LIX1: variants seen among roughly 807,000 people sequenced by gnomAD.
LIX1 encodes the protein limb and CNS expressed 1.
Under a neutral mutation model 33.4 loss-of-function variants are expected in LIX1, and 24 were observed. The ratio of observed to expected loss-of-function variants is 0.72; its 90% confidence interval spans 0.52 to 1.01. LIX1 has a LOEUF of 1.01. Among genes scored for constraint, LIX1 ranks in the 50% least tolerant of loss-of-function variants. The pLI is 0.00. For missense variants in LIX1, 311 were observed against 339.2 expected (o/e 0.92, Z 0.65); for synonymous variants, 124 against 124.0 (o/e 1.00, Z 0.00).
chr5:97,120,516 A>C (rs577423121), intron 2 of LIX1, among the ~76,000 whole-genome samples: 2 of 152,308 alleles, frequency 1.3e-5, no homozygotes, highest in African/African-American at 4.8e-5. Context: ...CACAGGAGGT[A>C]GGGAGTTCCA....
chr5:97,108,104 G>A (rs1747163160), intron 2 of LIX1, among the ~76,000 whole-genome samples: 1 of 152,240 alleles, frequency 6.6e-6, no homozygotes, highest in Non-Finnish European at 1.5e-5. Flanking sequence ...CTGGCACACA[G>A]TAGCACTTAT....
In LIX1 at chr5:97,110,387, G is replaced by T. The variant is rs193291601; in HGVS notation, c.247-2887C>A. 2.2e-4 allele frequency among the ~76,000 whole-genome samples: 33 copies of T among 152,276 alleles called. No individual in the cohort carries two copies. In the East Asian group the frequency reaches 6.2e-3, roughly 28 times the overall value. ...AACAAAGCAGAACAATTAAGGGCAG[G>T]CAGAAGAAGATATTATAACTTACAA... is the stretch of plus-strand genomic sequence containing the variant. On this transcript the variant is annotated intron_variant, in intron 2 of 5. Coordinates refer to ENST00000274382, the MANE Select transcript of LIX1 (RefSeq NM_153234.5).
At chr5:97,095,472 C>A (rs1746329230) in intron 5 of LIX1, among the ~76,000 whole-genome samples, 1 of 152,150 alleles carries the variant, frequency 6.6e-6, no homozygotes, top group Non-Finnish European at 1.5e-5. Context: ...TTGGTCAAAT[C>A]CACTGAAGAA....
intron 1 of LIX1, among the ~76,000 whole-genome samples, chr5:97,133,985 A>T (rs1365723276): frequency 6.6e-6 from 1 of 152,218 alleles, no homozygotes; most frequent in Admixed American, 6.5e-5. Context: ...TTGACAGAAA[A>T]AAAAGAACAA....
chr5:97,110,382 G>A (rs1747315332), intron 2 of LIX1, among the ~76,000 whole-genome samples: 1 of 152,076 alleles, frequency 6.6e-6, no homozygotes, highest in South Asian at 2.1e-4. Context: ...AACAATTAAG[G>A]GCAGGCAGAA....
intron 1 of LIX1, among the ~76,000 whole-genome samples, chr5:97,141,304 T>C (rs1748282168): frequency 6.6e-6 from 1 of 152,118 alleles, no homozygotes; most frequent in Non-Finnish European, 1.5e-5. Flanking sequence ...ATAACAAACC[T>C]GAATAGACTC....
chr5:97,121,137 C>T (rs1423783537), intron 2 of LIX1, among the ~76,000 whole-genome samples: 1 of 152,102 alleles, frequency 6.6e-6, no homozygotes, highest in Non-Finnish European at 1.5e-5. Context: ...TGAAGTTTCC[C>T]TAAAGCTACG....
chr5:97,124,391 T>TTACC, intron 2 of LIX1, 75 bp downstream of exon 2: 1 of 1,277,914 alleles, frequency 7.8e-7, no homozygotes, highest in Non-Finnish European at 1.1e-6. Context: ...ATTTGTAATG[T>TTACC]TACCAGTTTA....
At chr5:97,113,912 G>A (rs1388568184) in intron 2 of LIX1, among the ~76,000 whole-genome samples, 1 of 152,080 alleles carries the variant, frequency 6.6e-6, no homozygotes, top group Non-Finnish European at 1.5e-5. Context: ...TACACTGTGG[G>A]GATAAATGGT....
At chr5:97,131,719 A>G (rs1748060784) in intron 1 of LIX1, among the ~76,000 whole-genome samples, 1 of 152,256 alleles carries the variant, frequency 6.6e-6, no homozygotes. Flanking sequence ...TTGGAATCTA[A>G]GAAACCTCGA....
chr5:97,102,732 T>G (rs1746778177), intron 4 of LIX1, among the ~76,000 whole-genome samples: 2 of 150,906 alleles, frequency 1.3e-5, no homozygotes, highest in African/African-American at 4.8e-5. Flanking sequence ...TTTAAGACTT[T>G]TTTTTTTTTT....
intron 2 of LIX1, among the ~76,000 whole-genome samples, chr5:97,119,956 A>T (rs189728263): frequency 6.6e-6 from 1 of 152,322 alleles, no homozygotes; most frequent in East Asian, 1.9e-4. Flanking sequence ...ATAGAGTATA[A>T]TGAATGTATG....
At chr5:97,131,415 T>A in intron 1 of LIX1, among the ~76,000 whole-genome samples, 1 of 152,230 alleles carries the variant, frequency 6.6e-6, no homozygotes, top group East Asian at 1.9e-4. Context: ...TCTGAACTCT[T>A]ATTCCATGAG....
chr5:97,139,613 T>G (rs1256522173), intron 1 of LIX1, among the ~76,000 whole-genome samples: 1 of 152,242 alleles, frequency 6.6e-6, no homozygotes, highest in Non-Finnish European at 1.5e-5. Flanking sequence ...CAAGCTATAC[T>G]TTGCAGAGAT....
At chr5:97,124,414 C>T (rs1373257011) in intron 2 of LIX1, 52 bp downstream of exon 2, 4 of 1,500,484 alleles carry the variant, frequency 2.7e-6, no homozygotes, top group African/African-American at 2.8e-5. Flanking sequence ...AAAAGGTTTA[C>T]TTTATTTTAG....
At chr5:97,138,199 C>A (rs957877101) in intron 1 of LIX1, among the ~76,000 whole-genome samples, 1 of 152,170 alleles carries the variant, frequency 6.6e-6, no homozygotes, top group African/African-American at 2.4e-5. Context: ...GGGAAAAAAT[C>A]TCAGTGAAAT....
At chr5:97,129,698 T>C (rs1221793343) in intron 1 of LIX1, among the ~76,000 whole-genome samples, 1 of 152,248 alleles carries the variant, frequency 6.6e-6, no homozygotes, top group African/African-American at 2.4e-5. Context: ...GTTATTTTCA[T>C]GCTGTCTATC....
chr5:97,120,371 G>A (rs909485809), intron 2 of LIX1, among the ~76,000 whole-genome samples: 2 of 152,136 alleles, frequency 1.3e-5, no homozygotes, highest in African/African-American at 4.8e-5. Context: ...GAGGTCATGG[G>A]GAACATAAGG....
chr5:97,103,747 C>T (rs546050994), intron 4 of LIX1, among the ~76,000 whole-genome samples: 3 of 152,080 alleles, frequency 2.0e-5, no homozygotes, highest in South Asian at 4.1e-4. Context: ...GGGCAGATCA[C>T]GAGGTCAGGA....
Sources: gnomAD v4.1 joint callset for allele counts (sites outside exome capture counted in the v4.1 genomes callset) on GRCh38, gnomAD v4.1.1 for gene constraint, MANE v1.5 for transcripts, NCBI Gene and HGNC (gene_info 2026-07-23, HGNC 2026-07-21) for gene names.